EYS: variants seen among roughly 807,000 people sequenced by gnomAD.
EYS encodes protein eyes shut homolog.
A neutral mutation model predicts 282.1 loss-of-function variants in EYS; 250 were observed. The ratio of observed to expected loss-of-function variants is 0.89; its 90% CI spans 0.80 to 0.98. EYS has a LOEUF of 0.98. EYS is among the 50% of genes least tolerant of loss of function. The pLI is 0.00. For synonymous variants in EYS, 1,355 were observed against 1,282.9 expected, an observed-to-expected ratio of 1.06 and a Z score of -1.20; for missense variants, 4,016 against 3,709.0, an observed-to-expected ratio of 1.08 and a Z score of -2.15.
At chr6:63,913,429 C>G (rs1451444522) in intron 35 of EYS, among the ~76,000 whole-genome samples, 1 of 152,178 alleles carries the variant, frequency 6.6e-6, no homozygotes. Flanking sequence ...CAAATACCAT[C>G]ATCCAATTTC....
intron 2 of EYS, among the ~76,000 whole-genome samples, chr6:65,503,879 A>C (rs548395918): frequency 6.6e-6 from 1 of 151,760 alleles, no homozygotes; most frequent in East Asian, 1.9e-4. Context: ...TAAGTGTTGA[A>C]ATAAGGCAGA....
intron 30 of EYS, among the ~76,000 whole-genome samples, chr6:64,245,686 T>TC (rs909365407): frequency 2.6e-5 from 4 of 152,198 alleles, no homozygotes; most frequent in African/African-American, 7.2e-5. Context: ...TTATCATTTT[T>TC]CACTGTAGCC....
Position 64,996,027 on chromosome 6 carries a change from C to T in EYS, c.2259+1555G>A, listed in dbSNP as rs563475875. On this transcript the variant is annotated intron_variant, in intron 14 of 42. Transcript: ENST00000503581. ...ACTCAGATTATTCCTGAAGTTACTG[C>T]CAAAATCACAACCTAAAATAAAGCG... Among the ~76,000 whole-genome samples the T allele has an allele frequency of 1.7e-4, 26 of 152,090 alleles. 1 individual carries two copies. In the South Asian group the frequency reaches 5.4e-3, roughly 32 times the overall value.
At chr6:64,909,638 A>G (rs779087775) in intron 16 of EYS, among the ~76,000 whole-genome samples, 2 of 152,130 alleles carry the variant, frequency 1.3e-5, no homozygotes, top group Non-Finnish European at 2.9e-5. Flanking sequence ...AGTTTTAGTC[A>G]GAAGACAGAA....
rs1188865678 is a variant in EYS at position 65,078,107 on chromosome 6, G to T, written c.2024-20380C>A. On this transcript the variant is annotated intron_variant, in intron 12 of 42. Coordinates refer to ENST00000503581, the MANE Select transcript of EYS (RefSeq NM_001142800.2). ...TTCTATTTTGTGCAGCCCAGTGGTT[G>T]TCTTGTGTGGTGTGTTATTGTAAGA... 3.9e-5 allele frequency among the ~76,000 whole-genome samples: 6 copies of T among 152,044 alleles called. No individual in the cohort carries two copies. In the East Asian group the frequency reaches 7.7e-4, roughly 20 times the overall value.
At position 65,600,381 on chromosome 6, in the gene EYS, C is replaced by T. The variant is rs557607531; in HGVS notation, c.-333+39397G>A. Among the ~76,000 whole-genome samples the T allele has an allele frequency of 3.9e-5, 6 of 152,154 alleles. 1 individual carries two copies. In the East Asian group the frequency reaches 1.2e-3, roughly 30 times the overall value. ...CTGGACTATGGGCAAGAGTTTTCTCCTCATTGTTATTCCTTCAATATATGT... is the reference window on the plus strand; with the variant it reads ...CTGGACTATGGGCAAGAGTTTTCTCTTCATTGTTATTCCTTCAATATATGT... On this transcript the variant is annotated intron_variant, in intron 2 of 42. Coordinates refer to ENST00000503581, the MANE Select transcript of EYS (RefSeq NM_001142800.2).
At chr6:64,882,141 A>G (rs1766944597) in intron 19 of EYS, among the ~76,000 whole-genome samples, 1 of 151,770 alleles carries the variant, frequency 6.6e-6, no homozygotes, top group South Asian at 2.1e-4. Flanking sequence ...TCAAGAGTCT[A>G]TACCAGTACA....
chr6:64,785,775 C>A (rs142727490), intron 22 of EYS, among the ~76,000 whole-genome samples: 2 of 152,206 alleles, frequency 1.3e-5, no homozygotes, highest in East Asian at 3.9e-4. Flanking sequence ...ATGTATTGTG[C>A]TAGTTGCTGG....
At chr6:64,310,842 T>G (rs1769667695) in intron 29 of EYS, among the ~76,000 whole-genome samples, 1 of 152,182 alleles carries the variant, frequency 6.6e-6, no homozygotes, top group South Asian at 2.1e-4. Flanking sequence ...GAATTTTTTT[T>G]GTGTACTTTA....
At chr6:64,588,068 G>A (rs558291524) in intron 26 of EYS, among the ~76,000 whole-genome samples, 1 of 152,026 alleles carries the variant, frequency 6.6e-6, no homozygotes. Flanking sequence ...TGTCAGTTGA[G>A]AAGTTAGAAA....
intron 29 of EYS, among the ~76,000 whole-genome samples, chr6:64,325,880 T>C (rs972844859): frequency 1.3e-5 from 2 of 152,090 alleles, no homozygotes; most frequent in East Asian, 3.9e-4. Context: ...TAAGAAAACA[T>C]GAAAAGTCTC....
Position 64,388,572 on chromosome 6 carries a change from T to C in EYS, c.6078+118A>G, listed in dbSNP as rs960661501. 4.8e-5 allele frequency: 43 copies of C among 901,820 alleles called. No homozygotes were observed. In the African/African-American group the frequency reaches 7.0e-4, roughly 15 times the overall value. The allele number at this position is 901,820 out of a possible 1,614,324, so 55.9% of individuals were successfully genotyped here. A position where few individuals can be genotyped will look rare whatever the true frequency, so the allele number is the denominator to read the frequency against. On this transcript the variant is annotated intron_variant, in intron 29 of 42. Coordinates refer to ENST00000503581, the MANE Select transcript of EYS (RefSeq NM_001142800.2). ...TCACTCAAAAACTTTTTTGAAACCA[T>C]GCAGATGGCCCCACTAGCCAGAAAA...
At chr6:65,568,449 T>C (rs1050058374) in intron 2 of EYS, among the ~76,000 whole-genome samples, 1 of 152,108 alleles carries the variant, frequency 6.6e-6, no homozygotes, top group Non-Finnish European at 1.5e-5. Flanking sequence ...ATCTGCCTCA[T>C]GTCAGGGATT....
At position 64,914,491 on chromosome 6, in the gene EYS, G is replaced by A. The variant is rs185463180; in HGVS notation, c.2382-1748C>T. Among the ~76,000 whole-genome samples, 19 of 152,118 alleles carry A rather than the reference G, an allele frequency of 1.2e-4. No individual in the cohort carries two copies. In the East Asian group the frequency reaches 3.7e-3, roughly 29 times the overall value. On this transcript the variant is annotated intron_variant, in intron 15 of 42. Transcript: ENST00000503581. ...ATACAGAATATCTTACTAAAAGGAG[G>A]GGAGCAAAGAGGAAGGAAAGAAGGA...
chr6:64,778,834 T>C (rs911129795), intron 22 of EYS, among the ~76,000 whole-genome samples: 3 of 152,126 alleles, frequency 2.0e-5, no homozygotes, highest in African/African-American at 4.8e-5. Context: ...AATTACATTA[T>C]GTGCAAAAGA....
intron 22 of EYS, among the ~76,000 whole-genome samples, chr6:64,807,999 T>TTCCTTCCTCCC (rs147281174): frequency 7.6e-4 from 109 of 142,564 alleles, no homozygotes; most frequent in African/African-American, 2.5e-3. Flanking sequence ...CTTCCCTTAC[T>TTCCTTCCTCCC]TCCTTCCTCC....
chr6:64,763,155 T>C (rs1037303567), intron 22 of EYS, among the ~76,000 whole-genome samples: 4 of 152,182 alleles, frequency 2.6e-5, no homozygotes, highest in Non-Finnish European at 5.9e-5. Flanking sequence ...CAGGAATAAA[T>C]GCAAAAGCAA....
intron 1 of EYS, among the ~76,000 whole-genome samples, chr6:65,641,102 G>A (rs1439671949): frequency 6.6e-6 from 1 of 152,080 alleles, no homozygotes; most frequent in African/African-American, 2.4e-5. Flanking sequence ...TTTTCCATAT[G>A]TGCTTCCCTA....
intron 5 of EYS, among the ~76,000 whole-genome samples, chr6:65,485,353 A>G (rs1023295960): frequency 6.6e-6 from 1 of 152,244 alleles, no homozygotes; most frequent in Non-Finnish European, 1.5e-5. Context: ...CTTCTTACAT[A>G]TCACTCTGTG....
Sources: gnomAD v4.1 joint callset for allele counts (sites outside exome capture counted in the v4.1 genomes callset) on GRCh38, gnomAD v4.1.1 for gene constraint, MANE v1.5 for transcripts, NCBI Gene and HGNC (gene_info 2026-07-23, HGNC 2026-07-21) for gene names.